The following BCKDHB variants were observed in gnomAD, a reference collection of about 807,000 sequenced individuals.
BCKDHB encodes the protein 2-oxoisovalerate dehydrogenase subunit beta, mitochondrial.
BCKDHB carries 41 observed loss-of-function variants against 48.5 expected under a neutral mutation model. The observed-to-expected ratio is 0.85, with a 90% CI of 0.66 to 1.10. The LOEUF (loss-of-function observed/expected upper bound fraction) is 1.10, where lower values mean the gene tolerates loss of function less well. Among genes scored for constraint, BCKDHB ranks in the 50% least tolerant of loss-of-function variants. The pLI is 0.00. For missense variants in BCKDHB, 496 were observed against 494.2 expected, an observed-to-expected ratio of 1.00 and a Z score of -0.03; for synonymous variants, 201 against 174.8, an observed-to-expected ratio of 1.15 and a Z score of -1.18.
the BCKDHB span, among the ~76,000 whole-genome samples, chr6:80,436,735 TGAA>T: frequency 5.3e-5 from 8 of 152,228 alleles, no homozygotes; most frequent in South Asian, 1.2e-3. Context: ...CTTTCCCTTT[TGAA>T]GAAGATCTAC....
chr6:80,236,345 A>G (rs1269319289), intron 8 of BCKDHB, among the ~76,000 whole-genome samples: 1 of 152,222 alleles, frequency 6.6e-6, no homozygotes, highest in Non-Finnish European at 1.5e-5. Context: ...CTTTTAGGTG[A>G]TCAGTCAATG....
At chr6:80,323,752 T>C (rs1042468563) in intron 9 of BCKDHB, among the ~76,000 whole-genome samples, 2 of 152,324 alleles carry the variant, frequency 1.3e-5, no homozygotes, top group Admixed American at 1.3e-4. Context: ...TCCAACCTTA[T>C]GGAATTATTA....
chr6:80,181,519 G>C (rs1318015653), intron 6 of BCKDHB, among the ~76,000 whole-genome samples: 1 of 152,166 alleles, frequency 6.6e-6, no homozygotes, highest in Non-Finnish European at 1.5e-5. Flanking sequence ...TTCTGGTCTT[G>C]TCTAGGCTTC....
intron 3 of BCKDHB, among the ~76,000 whole-genome samples, chr6:80,163,652 A>G (rs1772432245): frequency 6.6e-6 from 1 of 152,180 alleles, no homozygotes; most frequent in African/African-American, 2.4e-5. Flanking sequence ...TGCTGTCTTT[A>G]TGCTGAAGAC....
At chr6:80,330,975 C>T (rs73465567) in intron 9 of BCKDHB, among the ~76,000 whole-genome samples, 2 of 152,108 alleles carry the variant, frequency 1.3e-5, no homozygotes, top group African/African-American at 2.4e-5. Context: ...AAGCTGAATT[C>T]TAGTAATTAC....
chr6:80,237,874 G>T (rs1346997665), intron 8 of BCKDHB, among the ~76,000 whole-genome samples: 1 of 152,130 alleles, frequency 6.6e-6, no homozygotes, highest in Non-Finnish European at 1.5e-5. Flanking sequence ...AGCTGGAGCA[G>T]ACTGCTATAA....
chr6:80,356,823 G>C, the BCKDHB span: 8 of 151,826 alleles, frequency 5.3e-5, no homozygotes, highest in Admixed American at 5.2e-4. Flanking sequence ...CAAGAACCTG[G>C]AATCAATAAA....
the BCKDHB span, among the ~76,000 whole-genome samples, chr6:80,366,318 A>G: frequency 6.6e-6 from 1 of 152,192 alleles, no homozygotes; most frequent in Admixed American, 6.5e-5. Context: ...GATCTTGGGG[A>G]AAGAGTTTGA....
intron 9 of BCKDHB, among the ~76,000 whole-genome samples, chr6:80,339,959 G>A (rs961981863): frequency 2.6e-5 from 4 of 152,132 alleles, no homozygotes; most frequent in African/African-American, 7.2e-5. Flanking sequence ...TGTATGTAGC[G>A]ATTTGATCTT....
At chr6:80,405,230 C>T in the BCKDHB span, among the ~76,000 whole-genome samples, 3 of 151,974 alleles carry the variant, frequency 2.0e-5, no homozygotes, top group Non-Finnish European at 4.4e-5. Flanking sequence ...ATATTGGCTG[C>T]CTATTTATTT....
intron 3 of BCKDHB, among the ~76,000 whole-genome samples, chr6:80,146,580 G>C (rs993316167): frequency 2.0e-5 from 3 of 152,146 alleles, no homozygotes; most frequent in Non-Finnish European, 4.4e-5. Context: ...AATGTTGGAA[G>C]CTGGAAGGTA....
the BCKDHB span, among the ~76,000 whole-genome samples, chr6:80,398,307 A>G: frequency 6.6e-6 from 1 of 152,080 alleles, no homozygotes; most frequent in African/African-American, 2.4e-5. Context: ...TATTAAAAAA[A>G]AATAAGAGAG....
At chr6:80,216,650 C>A (rs1562145016) in intron 8 of BCKDHB, among the ~76,000 whole-genome samples, 1 of 152,118 alleles carries the variant, frequency 6.6e-6, no homozygotes, top group Non-Finnish European at 1.5e-5. Context: ...AAATCCGTTA[C>A]CTCATTTCAT....
chr6:80,380,290 T>C, the BCKDHB span, among the ~76,000 whole-genome samples: 1 of 151,772 alleles, frequency 6.6e-6, no homozygotes, highest in African/African-American at 2.4e-5. Context: ...CATATACCTA[T>C]AACCAATGGA....
the BCKDHB span, among the ~76,000 whole-genome samples, chr6:80,405,233 A>C: frequency 6.6e-6 from 1 of 152,110 alleles, no homozygotes; most frequent in Non-Finnish European, 1.5e-5. Flanking sequence ...TTGGCTGCCT[A>C]TTTATTTACA....
chr6:80,168,896 T>C lies in BCKDHB; in HGVS notation c.499T>C (p.Tyr167His), dbSNP rs773116505. The C allele has an allele frequency of 1.2e-6, 2 of 1,614,128 alleles. No homozygotes were observed. Among genetic ancestry groups the C allele is most frequent in the South Asian group, 2.2e-5 (2 of 91,076 alleles). ...TCAGATTGTTAATGAAGCTGCCAAG[T>C]ATCGCTATCGCTCTGGGGATCTTTT... is the stretch of plus-strand genomic sequence containing the variant. ...FDQIVNEAAK[Y>H]RYRSGDLFNC... The change falls in exon 5 of 10, where the codon TAT becomes CAT. Residue 167 changes from tyrosine (Y) to histidine (H), a missense_variant. By Grantham distance (83) the Tyr-to-His change is moderately conservative. Transcript: ENST00000320393.
intron 8 of BCKDHB, among the ~76,000 whole-genome samples, chr6:80,211,443 G>A (rs1461086069): frequency 1.3e-5 from 2 of 152,076 alleles, no homozygotes; most frequent in African/African-American, 2.4e-5. Context: ...TTCTCTCCTG[G>A]GTTTTGGCCA....
intron 1 of BCKDHB, among the ~76,000 whole-genome samples, chr6:80,108,854 G>T (rs1001638753): frequency 2.0e-5 from 3 of 152,064 alleles, no homozygotes; most frequent in South Asian, 4.1e-4. Context: ...GCAAGACTCT[G>T]TCTCAAAAAA....
At chr6:80,416,786 T>G in the BCKDHB span, among the ~76,000 whole-genome samples, 1 of 151,316 alleles carries the variant, frequency 6.6e-6, no homozygotes, top group Non-Finnish European at 1.5e-5. Flanking sequence ...TTTTTTTAAT[T>G]TTATTATTAT....
Sources: allele counts gnomAD v4.1 joint callset (sites outside exome capture counted in the v4.1 genomes callset), GRCh38; gene constraint gnomAD v4.1.1; transcripts MANE v1.5; gene names NCBI Gene and HGNC (gene_info 2026-07-23, HGNC 2026-07-21).